The following ASCC3 variants were observed in gnomAD, a reference collection of about 807,000 sequenced individuals.
ASCC3 encodes the protein ASC-1 complex subunit P200.
A neutral mutation model predicts 256.3 loss-of-function variants in ASCC3; 158 were observed. That is an observed-to-expected ratio of 0.62 (90% CI 0.54 to 0.70). The LOEUF (loss-of-function observed/expected upper bound fraction) is 0.70. Ranked by LOEUF, ASCC3 falls within the 30% of genes least tolerant of loss-of-function variation. ASCC3 has a pLI of 0.00. For synonymous variants in ASCC3, 948 were observed against 883.4 expected, an observed-to-expected ratio of 1.07 and a Z score of -1.30; for missense variants, 2,259 against 2,626.0, an observed-to-expected ratio of 0.86 and a Z score of 3.05.
chr6:100,789,473 T>C (rs1399883411), intron 8 of ASCC3, among the ~76,000 whole-genome samples: 1 of 151,966 alleles, frequency 6.6e-6, no homozygotes, highest in Admixed American at 6.6e-5. Flanking sequence ...TAGTAATTTG[T>C]ACATTTCTTA....
intron 26 of ASCC3, among the ~76,000 whole-genome samples, chr6:100,629,781 A>G (rs1226790958): frequency 1.3e-5 from 2 of 152,198 alleles, no homozygotes; most frequent in Non-Finnish European, 2.9e-5. Flanking sequence ...TCATATAGTG[A>G]GAGAGAAGGA....
chr6:100,521,525 T>C (rs955949507), intron 37 of ASCC3, among the ~76,000 whole-genome samples: 6 of 152,184 alleles, frequency 3.9e-5, no homozygotes, highest in Non-Finnish European at 7.3e-5. Context: ...AATGTATGGG[T>C]AGAAGACATG....
chr6:100,853,426 T>C (rs1261322029), intron 3 of ASCC3, among the ~76,000 whole-genome samples: 7 of 144,530 alleles, frequency 4.8e-5, no homozygotes, highest in Non-Finnish European at 9.0e-5. Flanking sequence ...ATTCCTTTTT[T>C]TTTTTTTTTT....
intron 8 of ASCC3, among the ~76,000 whole-genome samples, chr6:100,795,218 T>C (rs1025960821): frequency 6.6e-6 from 1 of 151,858 alleles, no homozygotes; most frequent in Non-Finnish European, 1.5e-5. Context: ...CCATTGCTTC[T>C]GGGATTATAG....
intron 10 of ASCC3, among the ~76,000 whole-genome samples, chr6:100,729,193 T>G (rs1779779719): frequency 6.6e-6 from 1 of 151,856 alleles, no homozygotes; most frequent in Admixed American, 6.6e-5. Flanking sequence ...AAGGAGCTAG[T>G]GTGAGGGGGT....
chr6:100,815,996 T>C (rs1019620455), intron 4 of ASCC3, among the ~76,000 whole-genome samples: 6 of 151,764 alleles, frequency 4.0e-5, no homozygotes, highest in Non-Finnish European at 8.8e-5. Context: ...TGAGAGAAAA[T>C]ATTTGCAAAC....
At chr6:100,629,275 T>C in intron 26 of ASCC3, 94 bp from the exon 27 acceptor site, 1 of 1,189,318 alleles carries the variant, frequency 8.4e-7, no homozygotes. Flanking sequence ...TAAAATTTTA[T>C]AAGGCTTAAA....
intron 3 of ASCC3, chr6:100,856,599 G>C (rs1772954120): frequency 4.3e-6 from 1 of 234,282 alleles, no homozygotes; most frequent in South Asian, 1.6e-4. Flanking sequence ...AACATTATCA[G>C]CTCCCCAGAA....
chr6:100,778,773 A>G (rs1308232078), intron 8 of ASCC3, among the ~76,000 whole-genome samples: 2 of 152,194 alleles, frequency 1.3e-5, no homozygotes, highest in Non-Finnish European at 2.9e-5. Flanking sequence ...AAAATTGAAT[A>G]ACTTGGTGTT....
rs750607506 is a variant in ASCC3 at position 100,798,741 on chromosome 6, T to C, written c.1367A>G (p.Lys456Arg). ...SEPMPLSFEE[K>R]PVYIQDLDEI... ...ATCTAAGTCTTGGATATAAACTGGC[T>C]TTTCCTCAAAGCTGAGTGGCATTGG... Residue 456 changes from lysine (K) to arginine (R), a missense_variant, in exon 8 of 42, where the codon AAG becomes AGG. Physicochemically the swap from Lys to Arg is conservative, Grantham distance 26 (BLOSUM62 2). Coordinates refer to ENST00000369162, the MANE Select transcript of ASCC3 (RefSeq NM_006828.4). 3 of 1,613,046 alleles carry C rather than the reference T, an allele frequency of 1.9e-6. No homozygotes were observed. Among genetic ancestry groups the C allele is most frequent in the Non-Finnish European group, 2.5e-6 (3 of 1,179,488 alleles).
intron 32 of ASCC3, among the ~76,000 whole-genome samples, chr6:100,606,318 A>G (rs1048008035): frequency 6.6e-6 from 1 of 152,250 alleles, no homozygotes; most frequent in South Asian, 2.1e-4. Context: ...GTCTTCATGC[A>G]TAAGTTGTAG....
chr6:100,568,293 T>G (rs754887120), intron 36 of ASCC3, among the ~76,000 whole-genome samples: 5 of 150,552 alleles, frequency 3.3e-5, no homozygotes, highest in Non-Finnish European at 7.4e-5. Context: ...ACTTGGAACC[T>G]GGAGGCAGAG....
chr6:100,582,230 C>A (rs1223714792), intron 36 of ASCC3, among the ~76,000 whole-genome samples: 1 of 151,928 alleles, frequency 6.6e-6, no homozygotes, highest in East Asian at 1.9e-4. Context: ...ATGGAATGTT[C>A]TTCCATTTGT....
chr6:100,702,895 T>C (rs1341409222), intron 13 of ASCC3, among the ~76,000 whole-genome samples: 1 of 152,184 alleles, frequency 6.6e-6, no homozygotes, highest in Non-Finnish European at 1.5e-5. Flanking sequence ...TAGTTAAAAA[T>C]GTGCTAATCA....
chr6:100,536,355 A>G (rs2114655098), intron 37 of ASCC3, among the ~76,000 whole-genome samples: 2 of 152,348 alleles, frequency 1.3e-5, no homozygotes. Flanking sequence ...ACACACATAC[A>G]CACGGGAGGT....
intron 4 of ASCC3, among the ~76,000 whole-genome samples, chr6:100,829,213 A>G (rs1245227610): frequency 2.0e-5 from 3 of 152,056 alleles, no homozygotes; most frequent in African/African-American, 7.2e-5. Context: ...TGCCTGCCAG[A>G]CCCGCACCGT....
At position 100,767,270 on chromosome 6, in the gene ASCC3, T is replaced by G; in HGVS notation, c.1471A>C (p.Thr491Pro). 6 of 1,614,038 alleles carry G rather than the reference T, an allele frequency of 3.7e-6. No individual in the cohort carries two copies. Among genetic ancestry groups the G allele is most frequent in the Non-Finnish European group, 5.1e-6 (6 of 1,180,000 alleles). The change falls in exon 9 of 42, where the codon ACC (threonine) becomes CCC (proline). Residue 491 changes from threonine (T) to proline (P), a missense_variant. Thr to Pro is a conservative substitution (Grantham distance 38). Transcript: ENST00000369162. ...QSIVFETAYNTNENMLICAPT... is the reference protein window; with the variant it reads ...QSIVFETAYNPNENMLICAPT... The stretch of plus-strand genomic sequence containing the variant: ...GCACAAATCAGCATGTTCTCATTGG[T>G]GTTGTAGGCAGTCTCAAACACTATT...
At chr6:100,561,219 C>T (rs535640667) in intron 36 of ASCC3, among the ~76,000 whole-genome samples, 244 of 151,924 alleles carry the variant, frequency 1.6e-3, no homozygotes, top group African/African-American at 5.0e-3. Context: ...CTCTCTAGCA[C>T]GTTAATATAT....
At chr6:100,600,159 A>G (rs1249315101) in intron 34 of ASCC3, among the ~76,000 whole-genome samples, 1 of 151,616 alleles carries the variant, frequency 6.6e-6, no homozygotes, top group South Asian at 2.1e-4. Context: ...AATGATAAAT[A>G]TATCTACAGT....
Sources: allele counts gnomAD v4.1 joint callset (sites outside exome capture counted in the v4.1 genomes callset), GRCh38; gene constraint gnomAD v4.1.1; transcripts MANE v1.5; gene names NCBI Gene and HGNC (gene_info 2026-07-23, HGNC 2026-07-21).